The following CADPS variants were observed in gnomAD, a reference collection of about 807,000 sequenced individuals.
CADPS encodes the protein calcium-dependent secretion activator 1.
A neutral mutation model predicts 167.3 loss-of-function variants in CADPS; 57 were observed. The ratio of observed to expected loss-of-function variants is 0.34; its 90% CI spans 0.28 to 0.42. The LOEUF (loss-of-function observed/expected upper bound fraction) is 0.42, where lower values mean the gene tolerates loss of function less well. Among genes scored for constraint, CADPS ranks in the 20% least tolerant of loss-of-function variants. The pLI is 1.00. For synonymous variants in CADPS, 676 were observed against 635.3 expected (o/e 1.06, Z -0.96); for missense variants, 1,414 against 1,738.1 (o/e 0.81, Z 3.32).
At chr3:62,475,370 T>C (rs1456281310) in intron 23 of CADPS, among the ~76,000 whole-genome samples, 1 of 152,160 alleles carries the variant, frequency 6.6e-6, no homozygotes, top group Non-Finnish European at 1.5e-5. Context: ...ATTTGCCTGA[T>C]GCATCTTTTT....
intron 20 of CADPS, 24 bp downstream of exon 20, chr3:62,492,266 C>CA (rs1171254498): frequency 6.2e-7 from 1 of 1,608,008 alleles, no homozygotes; most frequent in African/African-American, 1.3e-5. Flanking sequence ...TTAGGAAAGT[C>CA]AAACAGTCAA....
rs1234989231 is a variant in CADPS, at chr3:62,650,832, C to G, written c.1203+15G>C. ...TGCTGTGCCAAGAAACTTTCAAGGG[C>G]TCAGGGCTTTTTACCTCCAATGAGA... On this transcript the variant is annotated intron_variant, in intron 5 of 29. Coordinates refer to ENST00000383710, the MANE Select transcript of CADPS (RefSeq NM_003716.4). 1.2e-6 allele frequency: 2 copies of G among 1,605,912 alleles called. No individual in the cohort carries two copies.
intron 1 of CADPS, among the ~76,000 whole-genome samples, chr3:62,872,577 C>T (rs905415364): frequency 3.3e-5 from 5 of 152,174 alleles, no homozygotes; most frequent in South Asian, 2.1e-4. Context: ...GTTAAGCTCC[C>T]GTGTAAAAAT....
intron 11 of CADPS, among the ~76,000 whole-genome samples, chr3:62,546,130 T>TTTA (rs1350918246): frequency 6.6e-6 from 1 of 151,922 alleles, no homozygotes. Flanking sequence ...ATACTTGATT[T>TTTA]TTTTTTTTTT....
chr3:62,608,335 C>A (rs1259325017), intron 6 of CADPS, among the ~76,000 whole-genome samples: 1 of 150,964 alleles, frequency 6.6e-6, no homozygotes, highest in Non-Finnish European at 1.5e-5. Context: ...CATATTGGAG[C>A]ATATTGGCAC....
chr3:62,842,589 C>G (rs563628800), intron 1 of CADPS, among the ~76,000 whole-genome samples: 18 of 152,294 alleles, frequency 1.2e-4, no homozygotes, highest in African/African-American at 4.1e-4. Context: ...GTGCCTTGCA[C>G]TATAATAGGC....
chr3:62,489,515 C>T (rs564005241), intron 21 of CADPS, among the ~76,000 whole-genome samples: 6 of 152,282 alleles, frequency 3.9e-5, no homozygotes, highest in South Asian at 2.1e-4. Flanking sequence ...GACATTATCA[C>T]GAAGTTCCAT....
At chr3:62,800,165 G>T (rs2093677466) in intron 1 of CADPS, among the ~76,000 whole-genome samples, 1 of 152,160 alleles carries the variant, frequency 6.6e-6, no homozygotes, top group Admixed American at 6.6e-5. Context: ...GCCCTCTGCT[G>T]TGCTGTGAGT....
intron 1 of CADPS, among the ~76,000 whole-genome samples, chr3:62,811,115 G>C (rs1341806528): frequency 6.6e-6 from 1 of 152,184 alleles, no homozygotes; most frequent in African/African-American, 2.4e-5. Context: ...AACAAAAGCT[G>C]AATCAGTGAT....
intron 1 of CADPS, among the ~76,000 whole-genome samples, chr3:62,873,749 G>A (rs992184759): frequency 5.3e-5 from 8 of 151,968 alleles, no homozygotes; most frequent in African/African-American, 1.9e-4. Flanking sequence ...AGGCAGCAGT[G>A]GCAGGGCTTG....
chr3:62,873,102 GGA>G (rs1273623379), intron 1 of CADPS, among the ~76,000 whole-genome samples: 1 of 152,176 alleles, frequency 6.6e-6, no homozygotes, highest in Non-Finnish European at 1.5e-5. Context: ...AGATAAAGAT[GGA>G]GAGTCTTGTG....
At chr3:62,703,526 C>T (rs558934109) in intron 3 of CADPS, among the ~76,000 whole-genome samples, 9 of 152,192 alleles carry the variant, frequency 5.9e-5, no homozygotes, top group African/African-American at 2.2e-4. Context: ...GCCTGTCCTG[C>T]CAGGAAGCTA....
chr3:62,661,231 T>C (rs1404847492), intron 4 of CADPS, among the ~76,000 whole-genome samples: 1 of 152,136 alleles, frequency 6.6e-6, no homozygotes. Context: ...CTCAGACATG[T>C]AAATAAATGA....
chr3:62,834,838 C>A (rs925681617), intron 1 of CADPS, among the ~76,000 whole-genome samples: 6 of 152,188 alleles, frequency 3.9e-5, no homozygotes, highest in African/African-American at 1.4e-4. Flanking sequence ...AAAGGACTTA[C>A]TTGGCTTTTG....
intron 10 of CADPS, among the ~76,000 whole-genome samples, chr3:62,552,951 A>T (rs1438828271): frequency 2.0e-5 from 3 of 152,354 alleles, no homozygotes; most frequent in African/African-American, 2.4e-5. Flanking sequence ...CCTAATGAAT[A>T]GCACAATAAA....
intron 1 of CADPS, among the ~76,000 whole-genome samples, chr3:62,816,421 T>C (rs561975110): frequency 1.3e-5 from 2 of 152,208 alleles, no homozygotes; most frequent in African/African-American, 4.8e-5. Context: ...AAGTAACTTG[T>C]GTTAAAACAA....
At chr3:62,580,692 G>A (rs994423974) in intron 8 of CADPS, among the ~76,000 whole-genome samples, 2 of 151,984 alleles carry the variant, frequency 1.3e-5, no homozygotes, top group African/African-American at 4.8e-5. Flanking sequence ...AACAATGAAG[G>A]CCATAAGGCA....
intron 6 of CADPS, among the ~76,000 whole-genome samples, chr3:62,619,342 G>A (rs2062814661): frequency 6.6e-6 from 1 of 151,994 alleles, no homozygotes; most frequent in South Asian, 2.1e-4. Flanking sequence ...GGTACTATGT[G>A]AAATCCCACA....
rs2050454499 is a variant in CADPS at position 62,417,844 on chromosome 3, C to T, written c.3778-14659G>A. 2.3e-5 allele frequency among the ~76,000 whole-genome samples: 3 copies of T among 131,500 alleles called. 1 individual carries two copies. In the South Asian group the frequency reaches 7.2e-4, roughly 31 times the overall value. 86.3% of individuals were successfully genotyped at this position (131,500 alleles called of 152,430 possible). A position where few individuals can be genotyped will look rare whatever the true frequency, so the allele number is the denominator to read the frequency against. On this transcript the variant is annotated intron_variant, in intron 28 of 29. Coordinates refer to ENST00000383710, the MANE Select transcript of CADPS (RefSeq NM_003716.4). ...TGAAACTGTCTCTAAAACAAACAAACAAACAAAAAAAAACCTAGCAATAAT... is the reference window on the plus strand; with the variant it reads ...TGAAACTGTCTCTAAAACAAACAAATAAACAAAAAAAAACCTAGCAATAAT...
Sources: allele counts gnomAD v4.1 joint callset (sites outside exome capture counted in the v4.1 genomes callset), GRCh38; gene constraint gnomAD v4.1.1; transcripts MANE v1.5; gene names NCBI Gene and HGNC (gene_info 2026-07-23, HGNC 2026-07-21).